RPS6KC1: variants seen among roughly 807,000 people sequenced by gnomAD.
RPS6KC1 encodes ribosomal protein S6 kinase C1.
Under a neutral mutation model 103.8 loss-of-function variants are expected in RPS6KC1, and 54 were observed. The ratio of observed to expected loss-of-function variants is 0.52; its 90% CI spans 0.42 to 0.65. The LOEUF (loss-of-function observed/expected upper bound fraction) is 0.65, where lower values mean the gene tolerates loss of function less well. Among genes scored for constraint, RPS6KC1 ranks in the 30% least tolerant of loss-of-function variants. The pLI, the probability that RPS6KC1 is intolerant of heterozygous loss-of-function variation, is 0.00. For missense variants in RPS6KC1, 1,151 were observed against 1,253.8 expected, an observed-to-expected ratio of 0.92 and a Z score of 1.24; for synonymous variants, 439 against 438.7, an observed-to-expected ratio of 1.00 and a Z score of -0.01.
At chr1:213,717,414 A>G in the RPS6KC1 span, among the ~76,000 whole-genome samples, 4 of 152,364 alleles carry the variant, frequency 2.6e-5, no homozygotes, top group South Asian at 8.3e-4. Flanking sequence ...AACTTGAGAC[A>G]GAGGGAAGAA....
intron 3 of RPS6KC1, among the ~76,000 whole-genome samples, chr1:213,100,870 A>C (rs1224051497): frequency 1.3e-5 from 2 of 151,880 alleles, no homozygotes; most frequent in African/African-American, 4.8e-5. Context: ...TGTCTTTACT[A>C]TCGTGAATAG....
At chr1:213,139,473 A>G (rs1247648773) in intron 6 of RPS6KC1, among the ~76,000 whole-genome samples, 2 of 152,006 alleles carry the variant, frequency 1.3e-5, no homozygotes, top group Non-Finnish European at 2.9e-5. Flanking sequence ...TTATAGTCTT[A>G]GGTTTTACTT....
At chr1:213,657,486 C>T in the RPS6KC1 span, among the ~76,000 whole-genome samples, 1 of 152,012 alleles carries the variant, frequency 6.6e-6, no homozygotes, top group Non-Finnish European at 1.5e-5. Context: ...TTGGAATTCT[C>T]AGAAGATGGG....
At chr1:213,390,264 G>T in the RPS6KC1 span, among the ~76,000 whole-genome samples, 1 of 152,184 alleles carries the variant, frequency 6.6e-6, no homozygotes. Flanking sequence ...GATGGCGAGG[G>T]TTTTTTCTTT....
the RPS6KC1 span, among the ~76,000 whole-genome samples, chr1:213,519,101 T>TA: frequency 6.6e-6 from 1 of 152,138 alleles, no homozygotes; most frequent in Non-Finnish European, 1.5e-5. Flanking sequence ...AAATAACCTA[T>TA]AAAGTGTGTT....
chr1:213,151,932 C>A (rs865937205), intron 6 of RPS6KC1, among the ~76,000 whole-genome samples: 2 of 113,796 alleles, frequency 1.8e-5, no homozygotes, highest in African/African-American at 3.5e-5. Flanking sequence ...GGGGGGCTGA[C>A]CCCCCCACCT....
chr1:213,579,220 G>A, the RPS6KC1 span, among the ~76,000 whole-genome samples: 3 of 152,022 alleles, frequency 2.0e-5, no homozygotes, highest in East Asian at 5.8e-4. Context: ...GCCTTCCTAA[G>A]CCATGTGGAA....
At chr1:213,683,961 A>G in the RPS6KC1 span, among the ~76,000 whole-genome samples, 1 of 152,156 alleles carries the variant, frequency 6.6e-6, no homozygotes, top group Non-Finnish European at 1.5e-5. Flanking sequence ...CCCTCTTCCC[A>G]GCACCATCTA....
the RPS6KC1 span, among the ~76,000 whole-genome samples, chr1:213,434,098 A>G: frequency 2.7e-5 from 4 of 148,118 alleles, no homozygotes; most frequent in African/African-American, 9.9e-5. Flanking sequence ...ATTTAACAAC[A>G]TGCAGATAAG....
At chr1:213,208,462 T>G (rs983111876) in intron 8 of RPS6KC1, among the ~76,000 whole-genome samples, 1 of 152,200 alleles carries the variant, frequency 6.6e-6, no homozygotes, top group Non-Finnish European at 1.5e-5. Context: ...ACAGTGATGT[T>G]GTGGTGTGGA....
At chr1:213,546,057 C>G in the RPS6KC1 span, among the ~76,000 whole-genome samples, 1 of 152,204 alleles carries the variant, frequency 6.6e-6, no homozygotes, top group African/African-American at 2.4e-5. Flanking sequence ...GCTGCCTCCC[C>G]CGCTCACCTG....
chr1:213,435,112 A>T, the RPS6KC1 span, among the ~76,000 whole-genome samples: 1 of 151,980 alleles, frequency 6.6e-6, no homozygotes, highest in Non-Finnish European at 1.5e-5. Context: ...AATAGTTTTT[A>T]TTGTAATATT....
chr1:213,123,495 G>A (rs763583684), intron 5 of RPS6KC1, among the ~76,000 whole-genome samples: 15 of 152,026 alleles, frequency 9.9e-5, no homozygotes, highest in East Asian at 5.8e-4. Context: ...ACCCAAGAAC[G>A]TTATAAAAAT....
chr1:213,123,724 A>G (rs1383812043), intron 5 of RPS6KC1, among the ~76,000 whole-genome samples: 3 of 152,168 alleles, frequency 2.0e-5, no homozygotes, highest in Non-Finnish European at 4.4e-5. Context: ...TGCTTTGTGC[A>G]TGGCGCATGA....
At chr1:213,455,548 G>T in the RPS6KC1 span, among the ~76,000 whole-genome samples, 3 of 152,174 alleles carry the variant, frequency 2.0e-5, no homozygotes, top group Admixed American at 2.0e-4. Flanking sequence ...AGTGGATGAG[G>T]TTCTAGCACG....
chr1:213,610,663 A>G, the RPS6KC1 span, among the ~76,000 whole-genome samples: 2 of 152,214 alleles, frequency 1.3e-5, no homozygotes, highest in Non-Finnish European at 2.9e-5. Flanking sequence ...ATAGTCTGGA[A>G]CACACTCCCC....
chr1:213,705,825 T>C, the RPS6KC1 span, among the ~76,000 whole-genome samples: 2 of 152,190 alleles, frequency 1.3e-5, no homozygotes, highest in Non-Finnish European at 2.9e-5. Flanking sequence ...AGGACTGGGT[T>C]CTTCCCTTCA....
chr1:213,849,319 G>A, the RPS6KC1 span, among the ~76,000 whole-genome samples: 2 of 152,118 alleles, frequency 1.3e-5, no homozygotes, highest in Admixed American at 6.6e-5. Flanking sequence ...AGCAGCAGAC[G>A]CCCATAGGGG....
At chr1:213,201,272 A>ATT (rs1305932055) in intron 8 of RPS6KC1, among the ~76,000 whole-genome samples, 7 of 152,226 alleles carry the variant, frequency 4.6e-5, no homozygotes, top group Admixed American at 2.6e-4. Context: ...AATGTTACTC[A>ATT]CTGGTAAAAA....
Sources: gnomAD v4.1 joint callset for allele counts (sites outside exome capture counted in the v4.1 genomes callset) on GRCh38, gnomAD v4.1.1 for gene constraint, MANE v1.5 for transcripts, NCBI Gene and HGNC (gene_info 2026-07-23, HGNC 2026-07-21) for gene names.